The following SOX5 variants were observed in gnomAD, a reference collection of about 807,000 sequenced individuals.
SOX5 encodes SRY-box transcription factor 5.
SOX5 carries 9 observed loss-of-function variants against 92.0 expected under a neutral mutation model. The ratio of observed to expected loss-of-function variants is 0.10; its 90% confidence interval spans 0.06 to 0.17. The LOEUF (loss-of-function observed/expected upper bound fraction) is 0.17, where lower values mean the gene tolerates loss of function less well. Among genes scored for constraint, SOX5 ranks in the 10% least tolerant of loss-of-function variants. SOX5 has a pLI of 1.00. For missense variants in SOX5, 642 were observed against 944.5 expected (o/e 0.68, Z 4.20); for synonymous variants, 344 against 336.3 (o/e 1.02, Z -0.25).
intron 6 of SOX5, among the ~76,000 whole-genome samples, chr12:23,704,858 A>G (rs1378997982): frequency 6.6e-6 from 1 of 150,620 alleles, no homozygotes; most frequent in African/African-American, 2.4e-5. Context: ...TGATAATACA[A>G]TTCACTATGG....
intron 2 of SOX5, among the ~76,000 whole-genome samples, chr12:24,346,280 T>G (rs369953364): frequency 6.6e-6 from 1 of 152,158 alleles, no homozygotes; most frequent in East Asian, 1.9e-4. Flanking sequence ...TTTAGAACCA[T>G]TGTGCCAAGC....
At chr12:24,290,251 T>A (rs1165333804) in intron 2 of SOX5, among the ~76,000 whole-genome samples, 2 of 152,242 alleles carry the variant, frequency 1.3e-5, no homozygotes, top group African/African-American at 4.8e-5. Flanking sequence ...AGTATTTATT[T>A]TGATATCTTA....
At chr12:24,558,219 G>A (rs180802600) in intron 1 of SOX5, among the ~76,000 whole-genome samples, 1 of 152,224 alleles carries the variant, frequency 6.6e-6, no homozygotes, top group East Asian at 1.9e-4. Context: ...GAGGTTAAAT[G>A]GGGCAAATGA....
intron 6 of SOX5, among the ~76,000 whole-genome samples, chr12:23,690,273 A>G (rs1418491623): frequency 6.6e-6 from 1 of 152,126 alleles, no homozygotes; most frequent in African/African-American, 2.4e-5. Context: ...TATAGAATAA[A>G]CTCATCTTTG....
intron 1 of SOX5, among the ~76,000 whole-genome samples, chr12:24,507,063 T>A (rs918474643): frequency 1.3e-5 from 2 of 152,060 alleles, no homozygotes; most frequent in African/African-American, 4.8e-5. Context: ...GTGCTGGGAT[T>A]ACAGGCATCA....
intron 4 of SOX5, among the ~76,000 whole-genome samples, chr12:24,080,086 T>G (rs1247412149): frequency 2.6e-5 from 4 of 151,952 alleles, no homozygotes; most frequent in Admixed American, 6.6e-5. Flanking sequence ...AGGAATAAGT[T>G]CATACTACTT....
At chr12:24,191,496 T>A (rs1472709401) in intron 4 of SOX5, among the ~76,000 whole-genome samples, 1 of 152,180 alleles carries the variant, frequency 6.6e-6, no homozygotes, top group African/African-American at 2.4e-5. Context: ...GTCCCTGTGC[T>A]CCAGCCTTGT....
chr12:24,312,222 T>C (rs1949252047), intron 2 of SOX5, among the ~76,000 whole-genome samples: 1 of 152,208 alleles, frequency 6.6e-6, no homozygotes, highest in African/African-American at 2.4e-5. Flanking sequence ...GCAGTTTTAA[T>C]CTAAACTTTT....
At chr12:23,692,942 T>C (rs374155242) in intron 6 of SOX5, among the ~76,000 whole-genome samples, 1 of 152,220 alleles carries the variant, frequency 6.6e-6, no homozygotes, top group Admixed American at 6.5e-5. Context: ...GTAATGCATT[T>C]TGGCTTAAAG....
At chr12:23,808,756 A>G (rs1334423274) in intron 3 of SOX5, among the ~76,000 whole-genome samples, 2 of 152,144 alleles carry the variant, frequency 1.3e-5, no homozygotes, top group Non-Finnish European at 2.9e-5. Flanking sequence ...AACCTTAGCC[A>G]GTCCCCTGAC....
At chr12:24,129,527 G>T (rs1489507674) in intron 4 of SOX5, among the ~76,000 whole-genome samples, 3 of 152,138 alleles carry the variant, frequency 2.0e-5, no homozygotes, top group Admixed American at 2.0e-4. Context: ...AGGGATGGAT[G>T]GGCATATACC....
chr12:23,876,074 T>C (rs926010938), intron 2 of SOX5, among the ~76,000 whole-genome samples: 6 of 152,276 alleles, frequency 3.9e-5, no homozygotes, highest in Middle Eastern at 3.4e-3. Context: ...ATGATGCTAA[T>C]ATACATTTCT....
chr12:23,669,160 A>G (rs924531375), intron 6 of SOX5, among the ~76,000 whole-genome samples: 1 of 152,136 alleles, frequency 6.6e-6, no homozygotes. Context: ...CTGGTGGGGC[A>G]AACAGACAGA....
intron 3 of SOX5, among the ~76,000 whole-genome samples, chr12:23,756,790 T>A (rs1186728516): frequency 6.6e-6 from 1 of 151,910 alleles, no homozygotes; most frequent in African/African-American, 2.4e-5. Flanking sequence ...ACTAGGAGCA[T>A]AAAGGGAGTA....
chr12:23,551,833 T>A (rs1163357228), intron 11 of SOX5, among the ~76,000 whole-genome samples: 1 of 151,852 alleles, frequency 6.6e-6, no homozygotes, highest in Non-Finnish European at 1.5e-5. Context: ...AACCCATAAT[T>A]TTGTTCCAGA....
rs117114604 is a variant in SOX5 at position 24,017,306 on chromosome 12, A to G, written c.-1-121282T>C. On this transcript the variant is annotated intron_variant, in intron 4 of 4. Coordinates refer to the SOX5 transcript ENST00000446891. The stretch of plus-strand genomic sequence containing the variant: ...GGGTAGCTGAACTAAGCTGGAGAAA[A>G]TCACGCAACAGGTTATGTGTGGTGG... Among the ~76,000 whole-genome samples the G allele has an allele frequency of 7.9e-3, 1,210 of 152,228 alleles. 11 individuals are homozygous for G. Among genetic ancestry groups the G allele is most frequent in the Non-Finnish European group, 0.012 (798 of 68,010 alleles).
chr12:24,471,298 T>C (rs1406317089), intron 1 of SOX5, among the ~76,000 whole-genome samples: 1 of 152,188 alleles, frequency 6.6e-6, no homozygotes, highest in Non-Finnish European at 1.5e-5. Context: ...TAAATCATAT[T>C]CTAATTTAAT....
At chr12:24,395,845 G>A (rs866405677) in intron 1 of SOX5, among the ~76,000 whole-genome samples, 15 of 152,170 alleles carry the variant, frequency 9.9e-5, no homozygotes, top group Non-Finnish European at 2.1e-4. Context: ...GGTACTGCTA[G>A]CAGTGACATC....
intron 1 of SOX5, among the ~76,000 whole-genome samples, chr12:24,491,437 T>A (rs1947064008): frequency 6.6e-6 from 1 of 152,040 alleles, no homozygotes; most frequent in Non-Finnish European, 1.5e-5. Flanking sequence ...AAAGAAATGT[T>A]CACTAGAGTC....
Sources: allele counts gnomAD v4.1 joint callset (sites outside exome capture counted in the v4.1 genomes callset), GRCh38; gene constraint gnomAD v4.1.1; transcripts MANE v1.5; gene names NCBI Gene and HGNC (gene_info 2026-07-23, HGNC 2026-07-21).